TRAPPC6B: variants seen among roughly 807,000 people sequenced by gnomAD.
The protein encoded by TRAPPC6B is trafficking protein particle complex subunit 6B.
In TRAPPC6B, 27 loss-of-function variants were observed where a neutral mutation model predicts 24.7. That is an observed-to-expected ratio of 1.09 (90% CI 0.81 to 1.51). The LOEUF is 1.51. TRAPPC6B is among the 40% of genes most tolerant of loss of function. The pLI is 0.00. For synonymous variants in TRAPPC6B, 80 were observed against 66.6 expected, an observed-to-expected ratio of 1.20 and a Z score of -0.98; for missense variants, 212 against 190.8, an observed-to-expected ratio of 1.11 and a Z score of -0.66.
chr14:39,167,379 TATTTC>T (rs1002072746), intron 1 of TRAPPC6B, among the ~76,000 whole-genome samples: 3 of 152,196 alleles, frequency 2.0e-5, no homozygotes, highest in Non-Finnish European at 4.4e-5. Context: ...TATAAAACTT[TATTTC>T]ATTTAAAAAA....
At chr14:39,160,072 C>T (rs370687137) in intron 1 of TRAPPC6B, among the ~76,000 whole-genome samples, 2 of 152,238 alleles carry the variant, frequency 1.3e-5, no homozygotes, top group South Asian at 4.1e-4. Context: ...AAGCAATCCA[C>T]CTGCCTTGGC....
At chr14:39,158,001 A>G in intron 3 of TRAPPC6B, 1 of 265,858 alleles carries the variant, frequency 3.8e-6, no homozygotes, top group South Asian at 8.6e-5. Context: ...ACAGTAACTA[A>G]GGAACCAAAT....
intron 1 of TRAPPC6B, among the ~76,000 whole-genome samples, chr14:39,167,422 G>A (rs2053119675): frequency 6.6e-6 from 1 of 151,508 alleles, no homozygotes. Context: ...CAAAAAAAAA[G>A]ACACATAATC....
rs368236715 is a variant in TRAPPC6B at position 39,151,680 on chromosome 14, TAAAA to T, written c.445+62_445+65del. 4 of 963,448 alleles carry T rather than the reference TAAAA, an allele frequency of 4.2e-6. No individual in the cohort carries two copies. The Admixed American group carries it at 1.2e-4, about 29-fold the overall frequency. 59.7% of individuals were successfully genotyped at this position (963,448 alleles called of 1,614,324 possible). On this transcript the variant is annotated intron_variant, in intron 5 of 5. Transcript: ENST00000330149. ...ATTTTAAATTTCCTCTCAGTTAAATTAAAAAAAAAAACAGACCTGAAAACAAATT... is the reference window on the plus strand; with the variant it reads ...ATTTTAAATTTCCTCTCAGTTAAATTAAAAAAACAGACCTGAAAACAAATT...
At chr14:39,168,970 C>G (rs2053136541) in intron 1 of TRAPPC6B, among the ~76,000 whole-genome samples, 1 of 152,206 alleles carries the variant, frequency 6.6e-6, no homozygotes. Context: ...ACAAAGCTTT[C>G]TAACTTCACC....
rs564975359 is a variant in TRAPPC6B at position 39,148,296 on chromosome 14, C to T, written c.*2054G>A. 2 of 197,774 alleles carry T rather than the reference C, an allele frequency of 1.0e-5. No individual in the cohort carries two copies. Among genetic ancestry groups the T allele is most frequent in the South Asian group, 3.8e-4 (2 of 5,226 alleles). 12.3% of individuals were successfully genotyped at this position (197,774 alleles called of 1,614,324 possible). ...AAATTTCTTATTCAAAGCCTTCAGA[C>T]TTCCTTTGTCTCGTTAGCCTAGATT... On this transcript the variant is annotated 3_prime_UTR_variant, in exon 6 of 6. Coordinates refer to ENST00000330149, the MANE Select transcript of TRAPPC6B (RefSeq NM_001079537.2).
chr14:39,160,646 G>A (rs2139384902), intron 1 of TRAPPC6B, among the ~76,000 whole-genome samples: 1 of 151,604 alleles, frequency 6.6e-6, no homozygotes, highest in South Asian at 2.1e-4. Context: ...GAAGGGAAGG[G>A]AGAAAGAGAG....
intron 2 of TRAPPC6B, 131 bp from the exon 3 acceptor site, chr14:39,158,533 T>C: frequency 1.7e-6 from 1 of 601,022 alleles, no homozygotes. Flanking sequence ...TAATTTTTTT[T>C]TTGAGACAGA....
chr14:39,165,238 G>C (rs1053009287), intron 1 of TRAPPC6B, among the ~76,000 whole-genome samples: 1 of 151,942 alleles, frequency 6.6e-6, no homozygotes, highest in African/African-American at 2.4e-5. Context: ...GTAGAGATGG[G>C]GTTTCACCAT....
chr14:39,165,661 T>TG (rs934505133), intron 1 of TRAPPC6B, among the ~76,000 whole-genome samples: 62 of 146,834 alleles, frequency 4.2e-4, no homozygotes, highest in African/African-American at 1.4e-3. Flanking sequence ...TAGCTGGACA[T>TG]GGTAGCATGC....
rs71435611 is a variant in TRAPPC6B at position 39,157,123 on chromosome 14, AAAAG to A, written c.267+1158_267+1161del. ...CTCCATCTCAAAAAAAAAAAAAAAA[AAAAG>A]AAAGAAAGAAAGTGGTGAATCCCCT... On this transcript the variant is annotated intron_variant, in intron 3 of 5. Transcript: ENST00000330149. 4.3e-3 allele frequency: 559 copies of A among 129,894 alleles called. 31 individuals carry two copies. Among genetic ancestry groups the A allele is most frequent in the Middle Eastern group, 8.1e-3 (3 of 370 alleles). 8.0% of individuals were successfully genotyped at this position (129,894 alleles called of 1,614,324 possible).
chr14:39,148,575 A>G lies in TRAPPC6B; in HGVS notation c.*1775T>C, dbSNP rs1175696057. ...GCTTTTTCACACACACAATTCTCAC[A>G]CCTGTTTTATTTTGAAGTTCTCTAT... On this transcript the variant is annotated 3_prime_UTR_variant, in exon 6 of 6. Coordinates refer to ENST00000330149, the MANE Select transcript of TRAPPC6B (RefSeq NM_001079537.2). 2.5e-6 allele frequency: 1 copy of G among 397,920 alleles called. No homozygotes were observed. Among genetic ancestry groups the G allele is most frequent in the African/African-American group, 2.1e-5 (1 of 48,536 alleles). 24.6% of individuals were successfully genotyped at this position (397,920 alleles called of 1,614,324 possible). A position where few individuals can be genotyped will look rare whatever the true frequency, so the allele number is the denominator to read the frequency against.
At position 39,151,680 on chromosome 14, in the gene TRAPPC6B, T is replaced by C. The variant is rs187275417; in HGVS notation, c.445+66A>G. ...ATTTTAAATTTCCTCTCAGTTAAATTAAAAAAAAAAACAGACCTGAAAACA... is the reference window on the plus strand; with the variant it reads ...ATTTTAAATTTCCTCTCAGTTAAATCAAAAAAAAAAACAGACCTGAAAACA... On this transcript the variant is annotated intron_variant, in intron 5 of 5. Coordinates refer to ENST00000330149, the MANE Select transcript of TRAPPC6B (RefSeq NM_001079537.2). 31 of 963,382 alleles carry C rather than the reference T, an allele frequency of 3.2e-5. No homozygotes were observed. In the African/African-American group the frequency reaches 4.3e-4, roughly 13 times the overall value. 59.7% of individuals were successfully genotyped at this position (963,382 alleles called of 1,614,324 possible).
At chr14:39,159,225 C>T (rs7145677) in intron 2 of TRAPPC6B, 4,822 of 203,118 alleles carry the variant, frequency 0.024, 252 homozygotes, top group African/African-American at 0.1. Flanking sequence ...TCAATAGCTT[C>T]AGGAATAAAG....
intron 2 of TRAPPC6B, 191 bp downstream of exon 2, chr14:39,159,292 A>G: frequency 3.2e-6 from 1 of 317,234 alleles, no homozygotes; most frequent in Non-Finnish European, 5.6e-6. Flanking sequence ...TTTTCTTTAA[A>G]CATTAAAATA....
chr14:39,161,917 G>A (rs545908052), intron 1 of TRAPPC6B, among the ~76,000 whole-genome samples: 5 of 152,306 alleles, frequency 3.3e-5, no homozygotes, highest in African/African-American at 1.2e-4. Flanking sequence ...GGCCCGTAGC[G>A]ATGAGGTTTC....
intron 5 of TRAPPC6B, among the ~76,000 whole-genome samples, chr14:39,151,452 AAC>A (rs1257762353): frequency 6.6e-6 from 1 of 152,012 alleles, no homozygotes; most frequent in East Asian, 1.9e-4. Context: ...GCTATCTTAA[AAC>A]ACTGCAGGAG....
At chr14:39,154,857 T>C (rs1000535371) in intron 3 of TRAPPC6B, among the ~76,000 whole-genome samples, 1 of 152,252 alleles carries the variant, frequency 6.6e-6, no homozygotes, top group African/African-American at 2.4e-5. Flanking sequence ...ACATAGTCCC[T>C]ATCCTTAAAA....
intron 1 of TRAPPC6B, among the ~76,000 whole-genome samples, chr14:39,161,945 G>A (rs2053064300): frequency 6.6e-6 from 1 of 152,182 alleles, no homozygotes; most frequent in Non-Finnish European, 1.5e-5. Flanking sequence ...GACCGGTAGA[G>A]GGGACACTTT....
Sources: allele counts gnomAD v4.1 joint callset (sites outside exome capture counted in the v4.1 genomes callset), GRCh38; gene constraint gnomAD v4.1.1; transcripts MANE v1.5; gene names NCBI Gene and HGNC (gene_info 2026-07-23, HGNC 2026-07-21).